FRMPD1: variants seen among roughly 807,000 people sequenced by gnomAD.
The protein encoded by FRMPD1 is FERM and PDZ domain-containing protein 1.
In FRMPD1, 76 loss-of-function variants were observed where a neutral mutation model predicts 117.8. The ratio of observed to expected loss-of-function variants is 0.65; its 90% confidence interval spans 0.54 to 0.78. The LOEUF is 0.78. Ranked by LOEUF, FRMPD1 falls within the 30% of genes least tolerant of loss-of-function variation. The pLI, the probability that FRMPD1 is intolerant of heterozygous loss-of-function variation, is 0.00. For synonymous variants in FRMPD1, 783 were observed against 770.4 expected, an observed-to-expected ratio of 1.02 and a Z score of -0.27; for missense variants, 1,786 against 1,964.5, an observed-to-expected ratio of 0.91 and a Z score of 1.72.
intron 1 of FRMPD1, among the ~76,000 whole-genome samples, chr9:37,680,405 A>C (rs1821686420): frequency 6.6e-6 from 1 of 152,248 alleles, no homozygotes; most frequent in African/African-American, 2.4e-5. Context: ...AAAAAAACAT[A>C]TCCAGCATGA....
At chr9:37,642,245 A>G in the FRMPD1 span, among the ~76,000 whole-genome samples, 8 of 152,312 alleles carry the variant, frequency 5.3e-5, no homozygotes, top group Non-Finnish European at 1.2e-4. Flanking sequence ...TTTGTCTGCA[A>G]AAAAGACACA....
the FRMPD1 span, among the ~76,000 whole-genome samples, chr9:37,639,582 T>G: frequency 2.0e-5 from 3 of 152,326 alleles, no homozygotes; most frequent in African/African-American, 7.2e-5. Flanking sequence ...CTGATTCATC[T>G]CTGTATCCTT....
chr9:37,721,319 G>A (rs1823390385), intron 6 of FRMPD1, among the ~76,000 whole-genome samples: 1 of 152,144 alleles, frequency 6.6e-6, no homozygotes. Context: ...TGATAAAATT[G>A]GCTGTTAAAC....
At chr9:37,698,736 A>AT (rs1290542263) in intron 2 of FRMPD1, among the ~76,000 whole-genome samples, 2 of 146,568 alleles carry the variant, frequency 1.4e-5, no homozygotes, top group African/African-American at 2.5e-5. Context: ...TAATTTTTGT[A>AT]TTTTTTTAAA....
chr9:37,657,214 G>A (rs1820869060), intron 1 of FRMPD1, among the ~76,000 whole-genome samples: 1 of 152,136 alleles, frequency 6.6e-6, no homozygotes, highest in Non-Finnish European at 1.5e-5. Context: ...ATAGGGTGTA[G>A]GCTACAGCTT....
At chr9:37,716,071 A>T (rs1588951766) in intron 5 of FRMPD1, among the ~76,000 whole-genome samples, 1 of 152,222 alleles carries the variant, frequency 6.6e-6, no homozygotes. Context: ...AGTGGCACCC[A>T]GAAAGGAACA....
chr9:37,685,604 A>G (rs2117971743), intron 1 of FRMPD1, among the ~76,000 whole-genome samples: 1 of 152,126 alleles, frequency 6.6e-6, no homozygotes, highest in Non-Finnish European at 1.5e-5. Context: ...GTGAGCCGAG[A>G]TCTTGCCACT....
At chr9:37,715,761 G>A (rs1200852997) in intron 5 of FRMPD1, 10 of 454,632 alleles carry the variant, frequency 2.2e-5, no homozygotes, top group Non-Finnish European at 3.1e-5. Flanking sequence ...ATAAAAGTAC[G>A]GGAGCCACAG....
In FRMPD1 at chr9:37,746,550, G is replaced by A. The variant is rs1249198000; in HGVS notation, c.4518G>A (p.Gln1506=). Residue 1506 remains glutamine (Q), a synonymous_variant, in exon 16 of 16, where the codon CAG becomes CAA. Coordinates refer to ENST00000377765, the MANE Select transcript of FRMPD1 (RefSeq NM_014907.3). ...TCCAGCTGGCCGGCCTGTGCTTTCA[G>A]TTCACAGACTGTAGCCGCTGCTCCG... ...HLVQLAGLCF[Q]FTDCSRCSAR... The A allele has an allele frequency of 3.7e-6, 6 of 1,613,822 alleles. No individual in the cohort carries two copies. The highest frequency in any genetic ancestry group is 5.1e-6 in the Non-Finnish European group (6 of 1,180,002).
Position 37,740,892 on chromosome 9 carries a change from G to C in FRMPD1, c.2356+8G>C. 6.2e-7 allele frequency: 1 copy of C among 1,607,902 alleles called. No homozygotes were observed. The highest frequency in any genetic ancestry group is 8.5e-7 in the Non-Finnish European group (1 of 1,174,322). On this transcript the variant is annotated splice_region_variant and intron_variant, in intron 15 of 15. Transcript: ENST00000377765. The surrounding 1 kb of genome is among the most constrained non-coding windows in gnomAD (Gnocchi z 4.2). Reference sequence around the variant, plus strand: ...CCCCAGGCCCCCCGTCAGGTGAGCCGTCCCTTGCAGGTCTGCAGACACGGC... The same window carrying C: ...CCCCAGGCCCCCCGTCAGGTGAGCCCTCCCTTGCAGGTCTGCAGACACGGC...
the FRMPD1 span, among the ~76,000 whole-genome samples, chr9:37,622,543 A>C: frequency 6.6e-6 from 1 of 152,218 alleles, no homozygotes; most frequent in African/African-American, 2.4e-5. Flanking sequence ...ACCTGTCCAG[A>C]AGCGTTTCTG....
chr9:37,707,231 A>G (rs1045146524), intron 2 of FRMPD1, among the ~76,000 whole-genome samples, 185 bp from the exon 3 acceptor site: 2 of 152,190 alleles, frequency 1.3e-5, no homozygotes, highest in African/African-American at 4.8e-5. Flanking sequence ...GCCTGGCAAT[A>G]CGACTTCTCT....
intron 2 of FRMPD1, among the ~76,000 whole-genome samples, chr9:37,697,571 AG>A (rs1822368909): frequency 6.6e-6 from 1 of 152,062 alleles, no homozygotes; most frequent in East Asian, 1.9e-4. Context: ...TGTCTCAAAA[AG>A]AAAAAAAAAA....
chr9:37,681,099 G>A (rs7026068), intron 1 of FRMPD1, among the ~76,000 whole-genome samples: 12,982 of 151,048 alleles, frequency 0.086, 1,164 homozygotes, highest in East Asian at 0.4. Flanking sequence ...TGTAATCCCC[G>A]CTACCCTGGA....
At chr9:37,678,251 C>CTTTTTTTTTTTTTTTTTTT (rs34040451) in intron 1 of FRMPD1, among the ~76,000 whole-genome samples, 2 of 79,842 alleles carry the variant, frequency 2.5e-5, no homozygotes, top group African/African-American at 1.0e-4. Context: ...GTACTTACCA[C>CTTTTTTTTTTTTTTTTTTT]TTTTTTTTTT....
the FRMPD1 span, among the ~76,000 whole-genome samples, chr9:37,641,271 C>T: frequency 6.6e-6 from 1 of 152,314 alleles, no homozygotes; most frequent in Admixed American, 6.5e-5. Context: ...GAAAGAAAGA[C>T]CCAAACTCCA....
rs1284000865 is a variant in FRMPD1, at chr9:37,740,741, G to A, written c.2213G>A (p.Gly738Asp). The A allele has an allele frequency of 6.2e-7, 1 of 1,614,180 alleles. No individual in the cohort carries two copies. The highest frequency in any genetic ancestry group is 1.1e-5 in the South Asian group (1 of 91,086). ...CAAGGGGGAGCCCCGCCAGCCTGGG[G>A]TCAGCAGGGCTGGACTGAGGCCCAG... ...SRQGGAPPAW[G>D]QQGWTEAQPS... The change falls in exon 15 of 16, where the codon GGT (glycine) becomes GAT (aspartate). Residue 738 changes from glycine to aspartate, a missense_variant. Physicochemically the swap from Gly to Asp is moderately conservative, Grantham distance 94. Transcript: ENST00000377765. The surrounding 1 kb of genome is among the most constrained non-coding windows in gnomAD (Gnocchi z 4.2).
chr9:37,650,518 CA>C (rs1159769256), upstream of FRMPD1, among the ~76,000 whole-genome samples: 12 of 151,520 alleles, frequency 7.9e-5, no homozygotes, highest in East Asian at 2.1e-3. Context: ...GCGTGGGGGT[CA>C]GGGGGCGAGT....
At chr9:37,732,478 A>G in intron 10 of FRMPD1, 38 bp downstream of exon 10, 4 of 1,567,568 alleles carry the variant, frequency 2.6e-6, no homozygotes, top group East Asian at 2.3e-5. Context: ...TGCATTTATA[A>G]CTTGCTGGCC....
Sources: gnomAD v4.1 joint callset for allele counts (sites outside exome capture counted in the v4.1 genomes callset) on GRCh38, gnomAD v4.1.1 for gene constraint, Gnocchi (gnomAD v3.1) non-coding constraint, MANE v1.5 for transcripts, NCBI Gene and HGNC (gene_info 2026-07-23, HGNC 2026-07-21) for gene names.